The following LOC128462377 variants were observed in gnomAD, a reference collection of about 807,000 sequenced individuals.
At chr16:89,350,731 G>C in the LOC128462377 span, among the ~76,000 whole-genome samples, 40 of 152,184 alleles carry the variant, frequency 2.6e-4, no homozygotes, top group Admixed American at 7.2e-4. Context: ...GTGGGAACAA[G>C]ACAGTTCCAA....
At chr16:89,320,933 G>A in the LOC128462377 span, among the ~76,000 whole-genome samples, 1 of 152,244 alleles carries the variant, frequency 6.6e-6, no homozygotes, top group African/African-American at 2.4e-5. Context: ...GGACAGACGT[G>A]ACAGGAACAA....
the LOC128462377 span, among the ~76,000 whole-genome samples, chr16:89,338,185 ACT>A: frequency 6.6e-6 from 1 of 151,666 alleles, no homozygotes. Flanking sequence ...CCCGAGACGC[ACT>A]CTCACTGTGC....
the LOC128462377 span, among the ~76,000 whole-genome samples, chr16:89,334,258 A>T: frequency 6.6e-6 from 1 of 151,532 alleles, no homozygotes; most frequent in South Asian, 2.1e-4. Context: ...AGCCCTCATC[A>T]ATGGCCTTCA....
At chr16:89,362,016 G>A in the LOC128462377 span, among the ~76,000 whole-genome samples, 2 of 152,196 alleles carry the variant, frequency 1.3e-5, no homozygotes, top group Non-Finnish European at 2.9e-5. Context: ...CTGAATTTAT[G>A]GGAGGGGGCA....
chr16:89,340,017 T>C, the LOC128462377 span: 1 of 152,254 alleles, frequency 6.6e-6, no homozygotes, highest in Non-Finnish European at 1.5e-5. Context: ...ACAACTGCAG[T>C]GTGCGCTCCT....
chr16:89,322,204 A>G, the LOC128462377 span, among the ~76,000 whole-genome samples: 4 of 152,204 alleles, frequency 2.6e-5, no homozygotes, highest in African/African-American at 9.6e-5. Context: ...ATTTGTATTA[A>G]AACACCAAGC....
chr16:89,356,725 G>A, the LOC128462377 span, among the ~76,000 whole-genome samples: 2 of 141,890 alleles, frequency 1.4e-5, no homozygotes, highest in African/African-American at 2.7e-5. Flanking sequence ...AGCTTGCAGT[G>A]AGCCAAGATC....
the LOC128462377 span, among the ~76,000 whole-genome samples, chr16:89,383,664 C>A: frequency 1.3e-5 from 2 of 152,044 alleles, no homozygotes. Flanking sequence ...AGCCCCTACC[C>A]TCGGACCAGC....
the LOC128462377 span, among the ~76,000 whole-genome samples, chr16:89,329,995 AAAAATAAAAT>A: frequency 0.047 from 6,812 of 146,300 alleles, 542 homozygotes; most frequent in African/African-American, 0.16. Flanking sequence ...ACCTTGTCTC[AAAAATAAAAT>A]AAAATAAAAT....
the LOC128462377 span, among the ~76,000 whole-genome samples, chr16:89,401,650 C>A: frequency 7.9e-5 from 12 of 152,130 alleles, no homozygotes; most frequent in African/African-American, 2.9e-4. Flanking sequence ...CCTAGCCCCC[C>A]AACACCACAG....
the LOC128462377 span, among the ~76,000 whole-genome samples, chr16:89,341,822 A>C: frequency 6.6e-6 from 1 of 152,202 alleles, no homozygotes; most frequent in African/African-American, 2.4e-5. Context: ...ACCAGCCCAC[A>C]GCAGCCACGG....
the LOC128462377 span, among the ~76,000 whole-genome samples, chr16:89,413,620 C>CA: frequency 1.3e-5 from 2 of 151,600 alleles, no homozygotes; most frequent in Admixed American, 6.6e-5. Flanking sequence ...CAGACTGTCT[C>CA]AAAAAAAGAA....
At chr16:89,351,464 C>A in the LOC128462377 span, among the ~76,000 whole-genome samples, 2 of 152,188 alleles carry the variant, frequency 1.3e-5, no homozygotes, top group Non-Finnish European at 2.9e-5. Flanking sequence ...ACCCACTACA[C>A]CAAATAACTG....
At chr16:89,320,571 G>T in the LOC128462377 span, among the ~76,000 whole-genome samples, 1 of 152,182 alleles carries the variant, frequency 6.6e-6, no homozygotes, top group South Asian at 2.1e-4. Context: ...CTGGCGGATG[G>T]CAACCGTCCC....
chr16:89,328,635 G>C, the LOC128462377 span, among the ~76,000 whole-genome samples: 1 of 150,312 alleles, frequency 6.7e-6, no homozygotes, highest in African/African-American at 2.5e-5. Context: ...GACACACCCA[G>C]GAGCACGGGC....
At chr16:89,394,963 A>T in the LOC128462377 span, among the ~76,000 whole-genome samples, 1 of 152,236 alleles carries the variant, frequency 6.6e-6, no homozygotes, top group Non-Finnish European at 1.5e-5. Context: ...CTGATGAGAG[A>T]ACCCCCTGTT....
the LOC128462377 span, among the ~76,000 whole-genome samples, chr16:89,343,297 C>T: frequency 4.6e-5 from 7 of 152,112 alleles, no homozygotes; most frequent in Non-Finnish European, 8.8e-5. Context: ...TGGGCCTGAG[C>T]GCATTTTTTA....
At chr16:89,353,062 GGGC>G in the LOC128462377 span, among the ~76,000 whole-genome samples, 1 of 152,198 alleles carries the variant, frequency 6.6e-6, no homozygotes, top group Admixed American at 6.5e-5. Flanking sequence ...AAGTAGGGCT[GGGC>G]GCGGTGGCTC....
At chr16:89,328,745 C>T in the LOC128462377 span, among the ~76,000 whole-genome samples, 33 of 137,168 alleles carry the variant, frequency 2.4e-4, no homozygotes, top group African/African-American at 8.2e-4. Context: ...CCCAGGAGCA[C>T]GGGCGAAATC....
Sources: gnomAD v4.1 joint callset for allele counts (sites outside exome capture counted in the v4.1 genomes callset) on GRCh38, gnomAD v4.1.1 for gene constraint, MANE v1.5 for transcripts.